Variants in GBP7 observed in about 807,000 individuals in gnomAD.
The protein encoded by GBP7 is guanylate binding protein 7, also known as guanylate-binding protein 7.
GBP7 carries 43 observed loss-of-function variants against 61.3 expected under a neutral mutation model. That is an observed-to-expected ratio of 0.70 (90% CI 0.55 to 0.91). The LOEUF (loss-of-function observed/expected upper bound fraction) is 0.91. Among genes scored for constraint, GBP7 ranks in the 40% least tolerant of loss-of-function variants. The pLI is 0.00. For missense variants in GBP7, 717 were observed against 740.5 expected, an observed-to-expected ratio of 0.97 and a Z score of 0.37; for synonymous variants, 267 against 271.0, an observed-to-expected ratio of 0.99 and a Z score of 0.14.
In GBP7 at chr1:89,132,021, A is replaced by G. The variant is rs1299479102; in HGVS notation, c.*128T>C. On this transcript the variant is annotated 3_prime_UTR_variant, in exon 11 of 11. Transcript: ENST00000294671. The stretch of plus-strand genomic sequence containing the variant: ...TTTAGTCAAAATTAAGTTTGTTTTT[A>G]TGAACTTCAGGCCATAATATTCTTT... 24 of 617,072 alleles carry G rather than the reference A, an allele frequency of 3.9e-5. No individual in the cohort carries two copies. In the East Asian group the frequency reaches 6.0e-4, roughly 15 times the overall value. 38.2% of individuals were successfully genotyped at this position (617,072 alleles called of 1,614,324 possible).
In GBP7 at chr1:89,132,191, T is replaced by TA. The variant is rs745796113; in HGVS notation, c.1874dup (p.Leu625PhefsTer3). The TA allele has an allele frequency of 1.6e-4, 256 of 1,613,122 alleles. 17 individuals are homozygous for TA. Among genetic ancestry groups the TA allele is most frequent in the East Asian group, 6.0e-4 (27 of 44,864 alleles). On this transcript the variant is annotated frameshift_variant, in exon 11 of 11. Coordinates refer to ENST00000294671, the MANE Select transcript of GBP7 (RefSeq NM_207398.3). LOFTEE classifies it low-confidence loss of function (END_TRUNC). ...TACCAGGATTTCTCAGCCTATTACA[T>TA]AATGAGCTAAGAATTTTCATTCCTA...
chr1:89,149,378 G>A lies in GBP7; in HGVS notation c.1066C>T (p.His356Tyr), dbSNP rs1368737162. The change falls in exon 7 of 11, where the codon CAT becomes TAT. Residue 356 changes from histidine (H) to tyrosine (Y), a missense_variant. By Grantham distance (83) the His-to-Tyr change is moderately conservative. Around this residue, in one of 3 missense-constraint regions of GBP7, gnomAD observed 18 missense variants for 45.2 expected, o/e 0.40. Transcript: ENST00000294671. ...ATGGCTTCCCTCTCACAAACTGCAT[G>A]CACGTCCAGCAGCTCCTGGAGTGTG... ...TDTLQELLDV[H>Y]AVCEREAIAV... 1 of 1,614,116 alleles carries A rather than the reference G, an allele frequency of 6.2e-7. No individual in the cohort carries two copies. The highest frequency in any genetic ancestry group is 1.1e-5 in the South Asian group (1 of 91,090).
At chr1:89,174,368 G>T (rs1008560110) in intron 1 of GBP7, among the ~76,000 whole-genome samples, 7 of 152,090 alleles carry the variant, frequency 4.6e-5, no homozygotes, top group African/African-American at 1.4e-4. Context: ...ATTCCCACCA[G>T]CTCATCTTGT....
intron 3 of GBP7, among the ~76,000 whole-genome samples, chr1:89,163,122 A>G (rs1464358870): frequency 6.6e-6 from 1 of 152,094 alleles, no homozygotes; most frequent in Non-Finnish European, 1.5e-5. Flanking sequence ...CTACTTGATC[A>G]TGGTGGATAA....
intron 8 of GBP7, among the ~76,000 whole-genome samples, chr1:89,147,108 C>T (rs1203633970): frequency 6.6e-6 from 1 of 152,142 alleles, no homozygotes. Flanking sequence ...ATATCTGATA[C>T]ACAAAATGAA....
chr1:89,148,636 T>G (rs1388772448), intron 7 of GBP7, among the ~76,000 whole-genome samples: 2 of 152,178 alleles, frequency 1.3e-5, no homozygotes, highest in African/African-American at 4.8e-5. Flanking sequence ...ATTTGATGCA[T>G]TATTGCTGAC....
chr1:89,149,155 C>G, intron 7 of GBP7, 137 bp downstream of exon 7: 1 of 637,436 alleles, frequency 1.6e-6, no homozygotes, highest in East Asian at 3.0e-5. Flanking sequence ...AACTGTAGCC[C>G]ATTAAATTCA....
chr1:89,147,842 G>A, intron 7 of GBP7, 63 bp from the exon 8 acceptor site: 2 of 1,536,038 alleles, frequency 1.3e-6, no homozygotes, highest in Non-Finnish European at 1.8e-6. Context: ...GTCCAACTGT[G>A]ATCCTCTTGG....
intron 9 of GBP7, among the ~76,000 whole-genome samples, 197 bp from the exon 10 acceptor site, chr1:89,133,648 A>G (rs538135180): frequency 2.0e-4 from 31 of 152,220 alleles, no homozygotes; most frequent in Admixed American, 1.9e-3. Flanking sequence ...CCCAAGGCTG[A>G]AGGGAGAGGA....
chr1:89,161,030 G>A (rs1209753939), intron 3 of GBP7, among the ~76,000 whole-genome samples: 1 of 152,126 alleles, frequency 6.6e-6, no homozygotes, highest in African/African-American at 2.4e-5. Context: ...GTGAGAACAT[G>A]TGGTATTTGG....
intron 5 of GBP7, 55 bp downstream of exon 5, chr1:89,152,199 TTGAACGGTAGGTCC>T: frequency 1.4e-6 from 2 of 1,401,066 alleles, no homozygotes; most frequent in Non-Finnish European, 2.0e-6. Flanking sequence ...GTGTCAGGTG[TTGAACGGTAGGTCC>T]TAGTTGATCC....
intron 3 of GBP7, among the ~76,000 whole-genome samples, chr1:89,159,010 A>G (rs1361159453): frequency 6.6e-6 from 1 of 152,222 alleles, no homozygotes; most frequent in East Asian, 1.9e-4. Context: ...GTACCAAAAC[A>G]GAGATATAGA....
chr1:89,151,614 T>C (rs1379411793), intron 5 of GBP7, among the ~76,000 whole-genome samples: 1 of 152,212 alleles, frequency 6.6e-6, no homozygotes, highest in Non-Finnish European at 1.5e-5. Flanking sequence ...CTCCACTAAA[T>C]ATAATCTGTT....
rs57740811 is a variant in GBP7, at chr1:89,134,604, GAAAA to G, written c.1469-1157_1469-1154del. On this transcript the variant is annotated intron_variant, in intron 9 of 10. Coordinates refer to ENST00000294671, the MANE Select transcript of GBP7 (RefSeq NM_207398.3). Reference sequence around the variant, plus strand: ...AGCCTTGGCCCCTTGAAATCATCCAGAAAAAAAAAAAAAAAACCCAGTCAGATGA... The same window carrying G: ...AGCCTTGGCCCCTTGAAATCATCCAGAAAAAAAAAAAACCCAGTCAGATGA... Among the ~76,000 whole-genome samples, 212 of 143,576 alleles carry G rather than the reference GAAAA, an allele frequency of 1.5e-3. 6 individuals are homozygous for G. Among genetic ancestry groups the G allele is most frequent in the African/African-American group, 2.5e-3 (99 of 38,954 alleles). The allele number at this position is 143,576 out of a possible 152,430, so 94.2% of individuals were successfully genotyped here.
intron 1 of GBP7, 114 bp from the exon 2 acceptor site, chr1:89,172,068 CTAAGGAGACCTGTGGCCCTT>C: frequency 1.4e-6 from 1 of 722,960 alleles, no homozygotes; most frequent in Non-Finnish European, 2.3e-6. Context: ...TTGTGCATTT[CTAAGGAGACCTGTGGCCCTT>C]TAAGGCTGTC....
intron 2 of GBP7, 73 bp from the exon 3 acceptor site, chr1:89,164,931 G>A (rs1647381413): frequency 2.0e-6 from 3 of 1,467,590 alleles, no homozygotes; most frequent in Admixed American, 2.0e-5. Flanking sequence ...CCAGTTAAAT[G>A]TATAGGAACG....
At chr1:89,140,829 A>C (rs1370965474) in intron 9 of GBP7, among the ~76,000 whole-genome samples, 1 of 152,246 alleles carries the variant, frequency 6.6e-6, no homozygotes, top group Non-Finnish European at 1.5e-5. Flanking sequence ...CTGGATAATG[A>C]AAATGTTGTA....
chr1:89,137,111 A>G (rs1378068934), intron 9 of GBP7, among the ~76,000 whole-genome samples: 6 of 152,086 alleles, frequency 3.9e-5, no homozygotes, highest in Admixed American at 2.0e-4. Context: ...CCAGGAAGAA[A>G]TTGAAACCTG....
intron 4 of GBP7, 39 bp from the exon 5 acceptor site, chr1:89,152,503 T>A (rs1682227470): frequency 6.3e-7 from 1 of 1,585,174 alleles, no homozygotes; most frequent in Admixed American, 1.7e-5. Context: ...CCCTACACCA[T>A]CATTTCCACA....
Sources: gnomAD v4.1 joint callset for allele counts (sites outside exome capture counted in the v4.1 genomes callset) on GRCh38, gnomAD v4.1.1 for gene constraint, gnomAD v4.1.1 regional missense constraint, MANE v1.5 for transcripts, NCBI Gene and HGNC (gene_info 2026-07-23, HGNC 2026-07-21) for gene names.